LRP1B: variants seen among roughly 807,000 people sequenced by gnomAD.
LRP1B encodes the protein LDL receptor related protein 1B.
In LRP1B, 217 loss-of-function variants were observed where a neutral mutation model predicts 556.6. The ratio of observed to expected loss-of-function variants is 0.39; its 90% CI spans 0.35 to 0.44. The LOEUF is 0.44. Ranked by LOEUF, LRP1B falls within the 20% of genes least tolerant of loss-of-function variation. The probability of loss-of-function intolerance (pLI) is 1.00; values close to 1 mark genes in which losing one functional copy is unlikely to be tolerated. For synonymous variants in LRP1B, 2,047 were observed against 1,865.8 expected (o/e 1.10, Z -2.50); for missense variants, 5,053 against 5,620.8 (o/e 0.90, Z 3.23).
At chr2:141,308,684 T>G (rs1407299595) in intron 3 of LRP1B, among the ~76,000 whole-genome samples, 1 of 152,114 alleles carries the variant, frequency 6.6e-6, no homozygotes, top group Non-Finnish European at 1.5e-5. Context: ...GCACACAAAG[T>G]GTACAGTTTT....
intron 2 of LRP1B, among the ~76,000 whole-genome samples, chr2:141,544,323 T>TTCTTCTTCTTCTTCTTCTTCTTC (rs1685416467): frequency 2.0e-5 from 1 of 50,156 alleles, no homozygotes; most frequent in African/African-American, 9.4e-5. Flanking sequence ...CTTCTTCTTC[T>TTCTTCTTCTTCTTCTTCTTCTTC]TCTTCTTCTT....
At chr2:140,608,038 C>T (rs924206874) in intron 41 of LRP1B, among the ~76,000 whole-genome samples, 6 of 151,458 alleles carry the variant, frequency 4.0e-5, no homozygotes, top group Admixed American at 1.3e-4. Flanking sequence ...ATAATTTTTT[C>T]CACCAGTCTA....
chr2:140,588,857 G>T (rs1682099730), intron 43 of LRP1B, among the ~76,000 whole-genome samples: 1 of 151,990 alleles, frequency 6.6e-6, no homozygotes, highest in Admixed American at 6.6e-5. Context: ...TAACTCGGGA[G>T]GCTGAGGCAG....
At chr2:140,322,173 T>TA in intron 81 of LRP1B, 85 bp from the exon 82 acceptor site, 14 of 1,284,116 alleles carry the variant, frequency 1.1e-5, no homozygotes, top group Non-Finnish European at 1.5e-5. Flanking sequence ...GGCGAAATGA[T>TA]TAATTAGCAA....
chr2:141,349,611 A>G (rs1688375623), intron 3 of LRP1B, among the ~76,000 whole-genome samples: 2 of 152,088 alleles, frequency 1.3e-5, no homozygotes, highest in South Asian at 4.1e-4. Context: ...ATGCAAGACA[A>G]GTCTATGTAA....
chr2:141,131,204 C>G (rs545069704), intron 7 of LRP1B, among the ~76,000 whole-genome samples: 1 of 151,786 alleles, frequency 6.6e-6, no homozygotes, highest in Admixed American at 6.6e-5. Flanking sequence ...TTTTCCATTT[C>G]AGGACATAAC....
At chr2:141,534,151 T>G (rs1293061890) in intron 2 of LRP1B, among the ~76,000 whole-genome samples, 2 of 152,114 alleles carry the variant, frequency 1.3e-5, no homozygotes, top group Non-Finnish European at 2.9e-5. Flanking sequence ...CAAGAGGATA[T>G]CCTCTGAATG....
At chr2:141,384,902 T>C (rs991201796) in intron 3 of LRP1B, among the ~76,000 whole-genome samples, 1 of 152,216 alleles carries the variant, frequency 6.6e-6, no homozygotes, top group African/African-American at 2.4e-5. Flanking sequence ...CTCTCCCATC[T>C]GCCCTAAGAA....
chr2:141,664,845 C>CA (rs1690363489), intron 2 of LRP1B, among the ~76,000 whole-genome samples: 2 of 151,728 alleles, frequency 1.3e-5, no homozygotes, highest in Non-Finnish European at 2.9e-5. Context: ...CAGAATTGGA[C>CA]AAAAAAAGTA....
chr2:141,742,812 A>G lies in LRP1B; in HGVS notation c.205+67467T>C, dbSNP rs112145363. ...TCTAGAATGATATTTGATAGTTTTC[A>G]TTGTACAAGCTTTCATTTCTCTGGT... On this transcript the variant is annotated intron_variant, in intron 2 of 90. Coordinates refer to ENST00000389484, the MANE Select transcript of LRP1B (RefSeq NM_018557.3). 2.5e-3 allele frequency among the ~76,000 whole-genome samples: 376 copies of G among 152,200 alleles called. 3 individuals carry two copies. Among genetic ancestry groups the G allele is most frequent in the Admixed American group, 0.019 (288 of 15,296 alleles).
chr2:140,655,456 G>A (rs1472180155), intron 41 of LRP1B, among the ~76,000 whole-genome samples: 2 of 152,076 alleles, frequency 1.3e-5, no homozygotes, highest in Admixed American at 6.5e-5. Flanking sequence ...CAAGTAAATT[G>A]TTCTGTCCTT....
intron 3 of LRP1B, among the ~76,000 whole-genome samples, chr2:141,405,101 C>CAAAACA (rs1160086159): frequency 1.3e-5 from 2 of 151,668 alleles, no homozygotes; most frequent in African/African-American, 4.8e-5. Context: ...CTCAAAAAAA[C>CAAAACA]AAAACAAAAA....
chr2:142,051,123 C>A (rs946936147), intron 1 of LRP1B, among the ~76,000 whole-genome samples: 2 of 151,644 alleles, frequency 1.3e-5, no homozygotes, highest in African/African-American at 4.8e-5. Flanking sequence ...AGAGTATGGC[C>A]AGTAAAGTAG....
At chr2:140,468,583 A>T (rs955459393) in intron 60 of LRP1B, among the ~76,000 whole-genome samples, 1 of 152,218 alleles carries the variant, frequency 6.6e-6, no homozygotes, top group Non-Finnish European at 1.5e-5. Context: ...TGAGATTCCA[A>T]CCTATGAGAG....
At position 141,510,124 on chromosome 2, in the gene LRP1B, A is replaced by G. The variant is rs1017979106; in HGVS notation, c.206-29591T>C. 3.3e-5 allele frequency among the ~76,000 whole-genome samples: 5 copies of G among 151,620 alleles called. No individual in the cohort carries two copies. The East Asian group carries it at 9.7e-4, about 29-fold the overall frequency. Reference sequence around the variant, plus strand: ...ATCTGAAATCTCAACCATAAAGCAAAAGATAATGAATTCATGTTAGAAAAT... The same window carrying G: ...ATCTGAAATCTCAACCATAAAGCAAGAGATAATGAATTCATGTTAGAAAAT... On this transcript the variant is annotated intron_variant, in intron 2 of 90. Transcript: ENST00000389484.
chr2:140,430,684 C>T (rs1186248534), intron 66 of LRP1B, among the ~76,000 whole-genome samples: 1 of 152,196 alleles, frequency 6.6e-6, no homozygotes, highest in Non-Finnish European at 1.5e-5. Flanking sequence ...CTCCTTTCAG[C>T]CTCACAGGCC....
intron 3 of LRP1B, among the ~76,000 whole-genome samples, chr2:141,339,783 A>T (rs1012924747): frequency 4.0e-5 from 6 of 151,654 alleles, no homozygotes; most frequent in African/African-American, 1.5e-4. Context: ...TTATTTATTT[A>T]TTTATTTATT....
intron 1 of LRP1B, among the ~76,000 whole-genome samples, chr2:141,916,850 T>C (rs928203261): frequency 2.2e-4 from 34 of 152,160 alleles, no homozygotes; most frequent in African/African-American, 7.7e-4. Context: ...GGGACATTCA[T>C]ATCCCAAACC....
At chr2:140,373,817 C>G (rs771980407) in intron 68 of LRP1B, among the ~76,000 whole-genome samples, 11 of 152,188 alleles carry the variant, frequency 7.2e-5, no homozygotes, top group Admixed American at 5.2e-4. Context: ...TTCTAAGCAA[C>G]TACATCCAGT....
Sources: gnomAD v4.1 joint callset for allele counts (sites outside exome capture counted in the v4.1 genomes callset) on GRCh38, gnomAD v4.1.1 for gene constraint, MANE v1.5 for transcripts, NCBI Gene and HGNC (gene_info 2026-07-23, HGNC 2026-07-21) for gene names.